Variants in JAK3 observed in about 807,000 individuals in gnomAD.
The protein encoded by JAK3 is tyrosine-protein kinase JAK3.
JAK3 carries 88 observed loss-of-function variants against 120.8 expected under a neutral mutation model. The observed-to-expected ratio is 0.73, with a 90% CI of 0.61 to 0.87. JAK3 has a LOEUF of 0.87. Among genes scored for constraint, JAK3 ranks in the 40% least tolerant of loss-of-function variants. JAK3 has a pLI of 0.00. For synonymous variants in JAK3, 592 were observed against 628.6 expected (o/e 0.94, Z 0.87); for missense variants, 1,254 against 1,501.4 (o/e 0.84, Z 2.72).
Position 17,842,983 on chromosome 19 carries a change from T to A in JAK3, c.566+44A>T. The A allele has an allele frequency of 6.2e-7, 1 of 1,606,092 alleles. No individual in the cohort carries two copies. The highest frequency in any genetic ancestry group is 1.1e-5 in the South Asian group (1 of 91,052). On this transcript the variant is annotated intron_variant, in intron 5 of 23. Transcript: ENST00000458235. This position sits in a 1 kb window ranked among gnomAD's most constrained non-coding sequence, Gnocchi z 6.4. ...AAAGCCCCGATGGAGCCCACGTTGC[T>A]CACTCCCAAGCAGAGGCCGTCCCCA...
rs2094216554 is a variant in JAK3 at position 17,832,700 on chromosome 19, A to G, written c.2499T>C (p.Phe833=). The G allele has an allele frequency of 6.2e-7, 1 of 1,614,240 alleles. No individual in the cohort carries two copies. Among genetic ancestry groups the G allele is most frequent in the South Asian group, 1.1e-5 (1 of 91,080 alleles). Residue 833 remains phenylalanine (F), a synonymous_variant, in exon 19 of 24, where the codon TTT becomes TTC. Transcript: ENST00000458235. This position sits in a 1 kb window ranked among gnomAD's most constrained non-coding sequence, Gnocchi z 4.7. ...KYISQLGKGN[F]GSVELCRYDP... ...CATAGCGGCACAGCTCCACGCTGCC[A>G]AAGTTGCCCTGGGGGATAGCGGGAC...
chr19:17,834,443 C>T, intron 17 of JAK3, 128 bp downstream of exon 17: 1 of 925,946 alleles, frequency 1.1e-6, no homozygotes, highest in South Asian at 1.4e-5. Flanking sequence ...CTCACACTGA[C>T]TGTCACAGTC....
At chr19:17,837,083 G>T (rs2094225809) in intron 13 of JAK3, 46 bp downstream of exon 13, 2 of 1,349,994 alleles carry the variant, frequency 1.5e-6, no homozygotes, top group Non-Finnish European at 2.0e-6. Flanking sequence ...GAACAGCCTA[G>T]ACTTGGGTGA....
In JAK3 at chr19:17,832,390, G is replaced by A; in HGVS notation, c.2680+129C>T. 6 of 949,038 alleles carry A rather than the reference G, an allele frequency of 6.3e-6. No individual in the cohort carries two copies. The highest frequency in any genetic ancestry group is 1.0e-5 in the Non-Finnish European group (6 of 589,592). The allele number at this position is 949,038 out of a possible 1,614,324, so 58.8% of individuals were successfully genotyped here. A position where few individuals can be genotyped will look rare whatever the true frequency, so the allele number is the denominator to read the frequency against. On this transcript the variant is annotated intron_variant, in intron 19 of 23. Transcript: ENST00000458235. The surrounding 1 kb of genome is among the most constrained non-coding windows in gnomAD (Gnocchi z 4.7). ...AGGGGTAGAGTCAGGATTCAAACCT[G>A]TAACCCATGTGAATCTGGATCAATA...
chr19:17,840,475 A>G, intron 8 of JAK3, 134 bp from the exon 9 acceptor site: 1 of 687,584 alleles, frequency 1.5e-6, no homozygotes, highest in Non-Finnish European at 2.6e-6. Flanking sequence ...TTATAAAATC[A>G]GCCATGGGCC....
Position 17,830,190 on chromosome 19 carries a change from C to T in JAK3, c.3125G>A (p.Arg1042Gln). The change falls in exon 23 of 24, where the codon CGG becomes CAG. Residue 1042 changes from arginine (R) to glutamine (Q), a missense_variant. Around this residue, in one of 3 missense-constraint regions of JAK3, gnomAD observed 630 missense variants for 819.8 expected, o/e 0.77. Coordinates refer to ENST00000458235, the MANE Select transcript of JAK3 (RefSeq NM_000215.4). ...AEFLRMMGCERDVPALCRLLE... is the reference protein window; with the variant it reads ...AEFLRMMGCEQDVPALCRLLE... ...GAGGCGGCAGAGGGCGGGGACATCC[C>T]GCTCACATCCCATCATCCGCAGGAA... 6.3e-7 allele frequency: 1 copy of T among 1,589,522 alleles called. No individual in the cohort carries two copies. Among genetic ancestry groups the T allele is most frequent in the Non-Finnish European group, 8.6e-7 (1 of 1,169,348 alleles).
chr19:17,829,815 A>G (rs978982883), intron 23 of JAK3: 11 of 524,640 alleles, frequency 2.1e-5, no homozygotes, highest in Non-Finnish European at 3.8e-5. Context: ...TGGAGCATCG[A>G]CTGTGTGCTC....
chr19:17,833,074 G>T, intron 17 of JAK3, 145 bp from the exon 18 acceptor site: 1 of 1,442,550 alleles, frequency 6.9e-7, no homozygotes, highest in Non-Finnish European at 9.3e-7. Flanking sequence ...GGTACCTTGT[G>T]GAGACTGGAA....
chr19:17,846,846 A>G (rs925516701), intron 1 of JAK3, among the ~76,000 whole-genome samples: 3 of 151,920 alleles, frequency 2.0e-5, no homozygotes, highest in Admixed American at 1.3e-4. Flanking sequence ...TGGCCTCCCA[A>G]AGTGCTGTGA....
At chr19:17,844,555 T>C (rs925724756) in intron 1 of JAK3, 125 bp from the exon 2 acceptor site, 1 of 801,478 alleles carries the variant, frequency 1.2e-6, no homozygotes, top group African/African-American at 1.7e-5. Flanking sequence ...TCACAGCATT[T>C]TGGGAGGCCG....
rs140414225 is a variant in JAK3 at position 17,829,066 on chromosome 19, G to A, written c.3207+1042C>T. Among the ~76,000 whole-genome samples, 409 of 152,290 alleles carry A rather than the reference G, an allele frequency of 2.7e-3. 3 individuals are homozygous for A. Among genetic ancestry groups the A allele is most frequent in the African/African-American group, 9.5e-3 (394 of 41,570 alleles). ...CTCAGCACTTTGGGAGGCCAAGGCA[G>A]GAGGATCGCTTGAGCCCAGGAGTTC... On this transcript the variant is annotated intron_variant, in intron 23 of 23. Coordinates refer to ENST00000458235, the MANE Select transcript of JAK3 (RefSeq NM_000215.4).
chr19:17,845,624 CCA>C (rs2094250396), intron 1 of JAK3, among the ~76,000 whole-genome samples: 1 of 152,112 alleles, frequency 6.6e-6, no homozygotes, highest in African/African-American at 2.4e-5. Flanking sequence ...TGGCACACCC[CCA>C]TAGTCCTAGC....
chr19:17,827,303 C>T (rs188360479), intron 23 of JAK3, among the ~76,000 whole-genome samples: 10 of 151,960 alleles, frequency 6.6e-5, no homozygotes, highest in Admixed American at 4.6e-4. Context: ...AATTAAATTC[C>T]ATCCCATCTC....
Position 17,831,386 on chromosome 19 carries a change from C to G in JAK3, c.2820G>C (p.Leu940=), listed in dbSNP as rs1398432169. The G allele has an allele frequency of 1.9e-6, 3 of 1,604,926 alleles. No homozygotes were observed. Among genetic ancestry groups the G allele is most frequent in the African/African-American group, 2.7e-5 (2 of 74,852 alleles). Residue 940 remains leucine, a synonymous_variant, in exon 21 of 24, where the codon CTG becomes CTC. Transcript: ENST00000458235. This position sits in a 1 kb window ranked among gnomAD's most constrained non-coding sequence, Gnocchi z 5.1. Reference sequence around the variant, plus strand: ...CGCGGTGCACGCAGCGGCGGGAGCCCAGGTACTCCATGCCCTGCGGGCGGG... The same window carrying G: ...CGCGGTGCACGCAGCGGCGGGAGCCGAGGTACTCCATGCCCTGCGGGCGGG... The part of the protein sequence containing the change: ...SSQICKGMEY[L]GSRRCVHRDL...
chr19:17,831,357 A>G lies in JAK3; in HGVS notation c.2849T>C (p.Leu950Pro). The G allele has an allele frequency of 6.2e-7, 1 of 1,609,868 alleles. No individual in the cohort carries two copies. The highest frequency in any genetic ancestry group is 8.5e-7 in the Non-Finnish European group (1 of 1,179,834). Residue 950 changes from leucine to proline, a missense_variant, in exon 21 of 24, where the codon CTG becomes CCG. Leu to Pro is a moderately conservative substitution (Grantham distance 98). This residue lies in a region of JAK3 where 630 missense variants were observed against 819.8 expected (regional missense o/e 0.77). Transcript: ENST00000458235. The surrounding 1 kb of genome is among the most constrained non-coding windows in gnomAD (Gnocchi z 5.1). ...CTCCACGAGGATGTTTCGGGCGGCC[A>G]GGTCGCGGTGCACGCAGCGGCGGGA... ...LGSRRCVHRD[L>P]AARNILVESE...
intron 1 of JAK3, among the ~76,000 whole-genome samples, chr19:17,847,235 G>C (rs1473653050): frequency 6.6e-6 from 1 of 152,038 alleles, no homozygotes; most frequent in Non-Finnish European, 1.5e-5. Context: ...TGGCAGTGGC[G>C]CCCCACTGCA....
chr19:17,832,586 C>T lies in JAK3; in HGVS notation c.2613G>A (p.Glu871=). The stretch of plus-strand genomic sequence containing the variant: ...TGTGCAGTGCTTTGAGGATCTGAAT[C>T]TCCCGCTGAAAGTCCCTCTGCTGGT... ...GPDQQRDFQR[E]IQILKALHSD... Residue 871 remains glutamate, a synonymous_variant, in exon 19 of 24, where the codon GAG becomes GAA. Transcript: ENST00000458235. This position sits in a 1 kb window ranked among gnomAD's most constrained non-coding sequence, Gnocchi z 4.7. The T allele has an allele frequency of 6.2e-7, 1 of 1,614,238 alleles. No individual in the cohort carries two copies.
intron 14 of JAK3, 41 bp from the exon 15 acceptor site, chr19:17,835,256 A>T (rs759164214): frequency 1.2e-6 from 2 of 1,605,974 alleles, no homozygotes; most frequent in Middle Eastern, 1.8e-4. Flanking sequence ...GGAGGGTTTG[A>T]TGAATGAAGA....
At position 17,831,552 on chromosome 19, in the gene JAK3, C is replaced by T. The variant is rs2094214521; in HGVS notation, c.2805+122G>A. Reference sequence around the variant, plus strand: ...GTTCTGATCCTGAGCCCTAAGCCAACCCCACCACTCCCGAGACCTGGACCC... The same window carrying T: ...GTTCTGATCCTGAGCCCTAAGCCAATCCCACCACTCCCGAGACCTGGACCC... On this transcript the variant is annotated intron_variant, in intron 20 of 23. Transcript: ENST00000458235. This position sits in a 1 kb window ranked among gnomAD's most constrained non-coding sequence, Gnocchi z 5.1. 1.3e-6 allele frequency: 2 copies of T among 1,496,040 alleles called. No homozygotes were observed. Among genetic ancestry groups the T allele is most frequent in the Admixed American group, 2.0e-5 (1 of 50,582 alleles). 92.7% of individuals were successfully genotyped at this position (1,496,040 alleles called of 1,614,324 possible). A position where few individuals can be genotyped will look rare whatever the true frequency, so the allele number is the denominator to read the frequency against.
Sources: allele counts gnomAD v4.1 joint callset (sites outside exome capture counted in the v4.1 genomes callset), GRCh38; gene constraint gnomAD v4.1.1; regional missense constraint gnomAD v4.1.1; non-coding constraint Gnocchi (gnomAD v3.1); transcripts MANE v1.5; gene names NCBI Gene and HGNC (gene_info 2026-07-23, HGNC 2026-07-21).